DLG2: variants seen among roughly 807,000 people sequenced by gnomAD.
DLG2 encodes discs large MAGUK scaffold protein 2.
DLG2 carries 45 observed loss-of-function variants against 132.5 expected under a neutral mutation model. The observed-to-expected ratio is 0.34, with a 90% CI of 0.27 to 0.44. The LOEUF (loss-of-function observed/expected upper bound fraction) is 0.44. DLG2 is among the 20% of genes least tolerant of loss of function. The pLI, the probability that DLG2 is intolerant of heterozygous loss-of-function variation, is 1.00. For missense variants in DLG2, 1,045 were observed against 1,196.9 expected (o/e 0.87, Z 1.87); for synonymous variants, 424 against 419.6 (o/e 1.01, Z -0.13).
chr11:84,930,524 C>G (rs1236200659), intron 6 of DLG2, among the ~76,000 whole-genome samples: 1 of 152,074 alleles, frequency 6.6e-6, no homozygotes, highest in African/African-American at 2.4e-5. Flanking sequence ...CAAACATTCT[C>G]CACTCTCCTC....
chr11:85,493,837 G>T (rs1055358570), intron 3 of DLG2, among the ~76,000 whole-genome samples: 6 of 150,586 alleles, frequency 4.0e-5, no homozygotes, highest in African/African-American at 1.2e-4. Flanking sequence ...GGAAGAGAGG[G>T]AGAGAAAAGA....
intron 7 of DLG2, among the ~76,000 whole-genome samples, chr11:84,436,315 A>G (rs1039899732): frequency 6.6e-6 from 1 of 152,168 alleles, no homozygotes; most frequent in African/African-American, 2.4e-5. Context: ...AAAAATTCGT[A>G]TCTTGGTTCA....
chr11:85,066,922 C>A (rs1246049081), intron 6 of DLG2, among the ~76,000 whole-genome samples: 1 of 151,616 alleles, frequency 6.6e-6, no homozygotes, highest in Non-Finnish European at 1.5e-5. Context: ...TATTAGAAGT[C>A]CTAGTTAGAG....
intron 3 of DLG2, among the ~76,000 whole-genome samples, chr11:85,358,132 A>C (rs776478623): frequency 9.9e-5 from 15 of 152,180 alleles, no homozygotes; most frequent in Non-Finnish European, 4.4e-5. Context: ...GAAGGAAAAA[A>C]ATGACTTTTC....
intron 7 of DLG2, among the ~76,000 whole-genome samples, chr11:84,465,733 C>T (rs939158614): frequency 6.6e-6 from 1 of 151,234 alleles, no homozygotes; most frequent in Non-Finnish European, 1.5e-5. Context: ...TAAGCTACCC[C>T]AAACCACCAC....
At chr11:84,279,476 A>G (rs1157593456) in intron 7 of DLG2, among the ~76,000 whole-genome samples, 2 of 152,380 alleles carry the variant, frequency 1.3e-5, no homozygotes, top group East Asian at 3.9e-4. Context: ...CCAAAGGATT[A>G]TAAGTCATTC....
Position 84,316,950 on chromosome 11 carries a change from C to T in DLG2, c.520-65659G>A, listed in dbSNP as rs1051771846. On this transcript the variant is annotated intron_variant, in intron 7 of 27. Transcript: ENST00000376104. The stretch of plus-strand genomic sequence containing the variant: ...CACAAGGTCCTGTTGAAGCTGGACC[C>T]CCCGGTCCTGTTTGAAGCTGGGCCC... 3 of 1,612,654 alleles carry T rather than the reference C, an allele frequency of 1.9e-6. No homozygotes were observed. The Admixed American group carries it at 5.0e-5, about 27-fold the overall frequency.
At chr11:84,865,328 C>G (rs1437248536) in intron 6 of DLG2, among the ~76,000 whole-genome samples, 2 of 152,138 alleles carry the variant, frequency 1.3e-5, no homozygotes, top group Non-Finnish European at 2.9e-5. Flanking sequence ...ATTTCCAACA[C>G]TGTTGTAGGT....
intron 10 of DLG2, among the ~76,000 whole-genome samples, chr11:84,075,459 T>A (rs1473467636): frequency 2.0e-5 from 3 of 152,170 alleles, no homozygotes; most frequent in Non-Finnish European, 4.4e-5. Flanking sequence ...AATGAAGGAA[T>A]GAGTGAATGA....
chr11:84,038,060 C>A (rs2095918206), intron 11 of DLG2, among the ~76,000 whole-genome samples: 1 of 151,896 alleles, frequency 6.6e-6, no homozygotes, highest in East Asian at 1.9e-4. Context: ...TAGATTATTT[C>A]ATCACCCAGG....
At chr11:83,778,984 T>C (rs1252580133) in intron 18 of DLG2, among the ~76,000 whole-genome samples, 1 of 152,148 alleles carries the variant, frequency 6.6e-6, no homozygotes, top group Non-Finnish European at 1.5e-5. Flanking sequence ...GTAGAATGTG[T>C]ACATGTGTGG....
intron 17 of DLG2, among the ~76,000 whole-genome samples, chr11:83,822,574 T>C (rs1398922427): frequency 1.3e-5 from 2 of 152,166 alleles, no homozygotes; most frequent in Non-Finnish European, 2.9e-5. Context: ...ATGTTCCAGT[T>C]GGGAATTTAG....
chr11:85,448,136 T>A (rs1410326940), intron 3 of DLG2, among the ~76,000 whole-genome samples: 3 of 152,190 alleles, frequency 2.0e-5, no homozygotes, highest in Middle Eastern at 3.2e-3. Context: ...GCGATTTTTA[T>A]ACTTGAAAGT....
chr11:84,413,241 C>T (rs2098916130), intron 7 of DLG2, among the ~76,000 whole-genome samples: 1 of 152,128 alleles, frequency 6.6e-6, no homozygotes, highest in African/African-American at 2.4e-5. Flanking sequence ...CTATATGTCT[C>T]ATGATAAAAC....
chr11:84,387,634 T>G (rs1316229166), intron 7 of DLG2, among the ~76,000 whole-genome samples: 1 of 152,146 alleles, frequency 6.6e-6, no homozygotes, highest in East Asian at 1.9e-4. Flanking sequence ...AAGTGTACAG[T>G]ACCCAAATGC....
chr11:85,522,615 C>T (rs1223214609), intron 3 of DLG2, among the ~76,000 whole-genome samples: 6 of 152,182 alleles, frequency 3.9e-5, no homozygotes, highest in Middle Eastern at 3.2e-3. Flanking sequence ...AAAGCCACAG[C>T]TTCCCAAGGC....
chr11:84,708,405 C>A (rs983177481), intron 6 of DLG2, among the ~76,000 whole-genome samples: 2 of 151,816 alleles, frequency 1.3e-5, no homozygotes, highest in Non-Finnish European at 2.9e-5. Flanking sequence ...AATACACAAT[C>A]CCCATTTTTA....
chr11:84,167,487 T>C (rs1283321005), intron 8 of DLG2, among the ~76,000 whole-genome samples: 1 of 152,212 alleles, frequency 6.6e-6, no homozygotes, highest in East Asian at 1.9e-4. Context: ...TATAATTTGA[T>C]TTTGAGATAT....
At chr11:84,240,489 T>C (rs904785775) in intron 8 of DLG2, among the ~76,000 whole-genome samples, 3 of 152,206 alleles carry the variant, frequency 2.0e-5, no homozygotes, top group Admixed American at 6.5e-5. Context: ...AGCTGGTATA[T>C]GGTTGAATCA....
Sources: gnomAD v4.1 joint callset for allele counts (sites outside exome capture counted in the v4.1 genomes callset) on GRCh38, gnomAD v4.1.1 for gene constraint, MANE v1.5 for transcripts, NCBI Gene and HGNC (gene_info 2026-07-23, HGNC 2026-07-21) for gene names.